COL6A6: variants seen among roughly 807,000 people sequenced by gnomAD.
COL6A6 encodes collagen alpha-6(VI) chain.
A neutral mutation model predicts 208.6 loss-of-function variants in COL6A6; 183 were observed. The observed-to-expected ratio is 0.88, with a 90% CI of 0.78 to 0.99. The LOEUF (loss-of-function observed/expected upper bound fraction) is 0.99. Ranked by LOEUF, COL6A6 falls within the 50% of genes least tolerant of loss-of-function variation. The pLI, the probability that COL6A6 is intolerant of heterozygous loss-of-function variation, is 0.00. For missense variants in COL6A6, 2,816 were observed against 2,815.2 expected (o/e 1.00, Z -0.01); for synonymous variants, 973 against 1,011.8 (o/e 0.96, Z 0.73).
intron 26 of COL6A6, among the ~76,000 whole-genome samples, chr3:130,627,673 A>G (rs965149401): frequency 6.6e-6 from 1 of 152,182 alleles, no homozygotes; most frequent in Non-Finnish European, 1.5e-5. Context: ...TCCAGGCTCA[A>G]GTTTACTCAG....
In COL6A6 at chr3:130,534,718, A is replaced by C. The variant is rs190298289; in HGVS notation, c.-32+17321A>C. The stretch of plus-strand genomic sequence containing the variant: ...GAATGTTTTAGCTACACTTGATTTT[A>C]AACCACCCTGGGTTATTTTTTTTCA... On this transcript the variant is annotated intron_variant, in intron 1 of 36. Transcript: ENST00000358511. 3.0e-4 allele frequency among the ~76,000 whole-genome samples: 45 copies of C among 152,214 alleles called. No individual in the cohort carries two copies. The East Asian group carries it at 7.5e-3, about 25-fold the overall frequency.
At position 130,570,716 on chromosome 3, in the gene COL6A6, C is replaced by A. The variant is rs1304984208; in HGVS notation, c.2402-102C>A. The A allele has an allele frequency of 8.6e-6, 7 of 812,490 alleles. No homozygotes were observed. In the East Asian group the frequency reaches 1.5e-4, roughly 17 times the overall value. 50.3% of individuals were successfully genotyped at this position (812,490 alleles called of 1,614,324 possible). On this transcript the variant is annotated intron_variant, in intron 6 of 36. Transcript: ENST00000358511. ...CCGACATTCTAATGCACAGCATGATCCCCTTGGAGAGAAAACACTAGCAAT... is the reference window on the plus strand; with the variant it reads ...CCGACATTCTAATGCACAGCATGATACCCTTGGAGAGAAAACACTAGCAAT...
Position 130,626,465 on chromosome 3 carries a change from A to G in COL6A6, c.4879-20A>G, listed in dbSNP as rs771385273. 45 of 1,596,214 alleles carry G rather than the reference A, an allele frequency of 2.8e-5. No individual in the cohort carries two copies. Among genetic ancestry groups the G allele is most frequent in the Non-Finnish European group, 3.8e-5 (44 of 1,163,704 alleles). ...ATCATTTCCAATTTCCAACCTAAAA[A>G]CAATCTTTCTGTTTAACAGGGAGAA... On this transcript the variant is annotated intron_variant, in intron 24 of 36. Coordinates refer to ENST00000358511, the MANE Select transcript of COL6A6 (RefSeq NM_001102608.3).
intron 1 of COL6A6, among the ~76,000 whole-genome samples, chr3:130,542,235 C>A (rs1186346299): frequency 6.7e-6 from 1 of 149,938 alleles, no homozygotes; most frequent in Non-Finnish European, 1.5e-5. Flanking sequence ...ATAAGCTGTG[C>A]TTCTATTTTC....
rs187215792 is a variant in COL6A6, at chr3:130,670,904, G to A, written c.6597-4298G>A. ...TTCAAGCTCATCAGCTATCGTTAGC[G>A]TTGGTATATTTTATGTGTGGCCCAA... On this transcript the variant is annotated intron_variant, in intron 36 of 36. Coordinates refer to ENST00000358511, the MANE Select transcript of COL6A6 (RefSeq NM_001102608.3). Among the ~76,000 whole-genome samples, 11 of 152,322 alleles carry A rather than the reference G, an allele frequency of 7.2e-5. 1 individual carries two copies. Among genetic ancestry groups the A allele is most frequent in the Middle Eastern group, 6.8e-3 (2 of 292 alleles).
At position 130,649,468 on chromosome 3, in the gene COL6A6, C is replaced by A; in HGVS notation, c.5639C>A (p.Ser1880Tyr). ...FSSGQSADAHSITTAAMEFGA... is the reference protein window; with the variant it reads ...FSSGQSADAHYITTAAMEFGA... ...AGCGGTCAGTCCGCGGATGCCCACT[C>A]CATCACCACGGCTGCCATGGAGTTC... Residue 1880 changes from serine to tyrosine, a missense_variant, in exon 33 of 37, where the codon TCC becomes TAC. Ser to Tyr is a moderately radical substitution (Grantham distance 144). Coordinates refer to ENST00000358511, the MANE Select transcript of COL6A6 (RefSeq NM_001102608.3). 2 of 1,611,572 alleles carry A rather than the reference C, an allele frequency of 1.2e-6. No individual in the cohort carries two copies. The highest frequency in any genetic ancestry group is 1.7e-6 in the Non-Finnish European group (2 of 1,178,900).
chr3:130,599,939 A>T, intron 20 of COL6A6, 129 bp downstream of exon 20: 1 of 815,874 alleles, frequency 1.2e-6, no homozygotes, highest in Non-Finnish European at 2.0e-6. Context: ...CTAACTTATG[A>T]CATCTCGCAG....
chr3:130,545,678 A>G (rs1028281152), intron 1 of COL6A6, among the ~76,000 whole-genome samples: 1 of 152,166 alleles, frequency 6.6e-6, no homozygotes, highest in Non-Finnish European at 1.5e-5. Context: ...GCTAGTCTCA[A>G]ACTCCTGACC....
Position 130,565,316 on chromosome 3 carries a change from G to A in COL6A6, c.984G>A (p.Lys328=), listed in dbSNP as rs778491974. The change falls in exon 4 of 37, where the codon AAG becomes AAA. Residue 328 remains lysine (K), a synonymous_variant. Transcript: ENST00000358511. ...EVFSARNGSR[K]NQGVPQIAVL... ...TTAGTGCACGGAATGGCAGTCGGAAGAATCAGGGGGTGCCCCAGATTGCCG... is the reference window on the plus strand; with the variant it reads ...TTAGTGCACGGAATGGCAGTCGGAAAAATCAGGGGGTGCCCCAGATTGCCG... 55 of 1,613,882 alleles carry A rather than the reference G, an allele frequency of 3.4e-5. No homozygotes were observed. The highest frequency in any genetic ancestry group is 8.3e-5 in the Admixed American group (5 of 60,000).
chr3:130,649,229 C>T lies in COL6A6; in HGVS notation c.5400C>T (p.Ile1800=), dbSNP rs370172197. The T allele has an allele frequency of 1.9e-6, 3 of 1,591,246 alleles. No homozygotes were observed. Among genetic ancestry groups the T allele is most frequent in the East Asian group, 2.3e-5 (1 of 43,826 alleles). The part of the protein sequence containing the change: ...RENSCPVGAH[I]AILSYNSHAR... Reference sequence around the variant, plus strand: ...ACAGCTGCCCCGTGGGAGCGCACATCGCCATCCTCTCCTATAACTCCCACG... The same window carrying T: ...ACAGCTGCCCCGTGGGAGCGCACATTGCCATCCTCTCCTATAACTCCCACG... The change falls in exon 33 of 37, where the codon ATC becomes ATT. Residue 1800 remains isoleucine, a synonymous_variant. Coordinates refer to ENST00000358511, the MANE Select transcript of COL6A6 (RefSeq NM_001102608.3).
At chr3:130,523,183 T>G (rs1303413015) in intron 1 of COL6A6, among the ~76,000 whole-genome samples, 1 of 152,090 alleles carries the variant, frequency 6.6e-6, no homozygotes, top group Non-Finnish European at 1.5e-5. Context: ...GAATCTCTTC[T>G]ACCTAAAACC....
At chr3:130,616,351 G>C (rs1404893916) in intron 23 of COL6A6, among the ~76,000 whole-genome samples, 1 of 152,082 alleles carries the variant, frequency 6.6e-6, no homozygotes, top group Non-Finnish European at 1.5e-5. Flanking sequence ...ACAATGTTCT[G>C]AAGGCTTATT....
intron 7 of COL6A6, 136 bp downstream of exon 7, chr3:130,571,529 A>T: frequency 1.6e-6 from 1 of 616,720 alleles, no homozygotes; most frequent in Non-Finnish European, 2.7e-6. Context: ...GACTTTCTAT[A>T]TTATAAAATC....
rs2107896826 is a variant in COL6A6, at chr3:130,566,712, C to A, written c.1293C>A (p.Asp431Glu). ...TTGATTCCTTTTTAGGTTGTGTGGA[C>A]ACTGAGGAAGCAGACATCTATCTGC... ...RTETLKSGCVDTEEADIYLLI... is the reference protein window; with the variant it reads ...RTETLKSGCVETEEADIYLLI... The change falls in exon 5 of 37, where the codon GAC becomes GAA. Residue 431 changes from aspartate (D) to glutamate (E), a missense_variant. Physicochemically the swap from Asp to Glu is conservative, Grantham distance 45. Transcript: ENST00000358511. 6.2e-7 allele frequency: 1 copy of A among 1,604,818 alleles called. No homozygotes were observed. Among genetic ancestry groups the A allele is most frequent in the East Asian group, 2.2e-5 (1 of 44,716 alleles).
At chr3:130,659,246 TC>T (rs1474344294) in intron 34 of COL6A6, among the ~76,000 whole-genome samples, 2 of 152,310 alleles carry the variant, frequency 1.3e-5, no homozygotes, top group Middle Eastern at 3.4e-3. Context: ...CTTCATAGAC[TC>T]CCAAATATTA....
At chr3:130,616,189 A>C (rs1273921125) in intron 23 of COL6A6, among the ~76,000 whole-genome samples, 1 of 152,088 alleles carries the variant, frequency 6.6e-6, no homozygotes, top group African/African-American at 2.4e-5. Flanking sequence ...ATTATTCTTC[A>C]CCGGTTCTAT....
intron 1 of COL6A6, among the ~76,000 whole-genome samples, chr3:130,559,387 A>G (rs530221570): frequency 6.6e-6 from 1 of 152,314 alleles, no homozygotes; most frequent in African/African-American, 2.4e-5. Context: ...AAGTTGCAGA[A>G]TGTCAGAAGG....
chr3:130,666,202 T>C (rs1193112396), intron 36 of COL6A6, among the ~76,000 whole-genome samples: 1 of 152,204 alleles, frequency 6.6e-6, no homozygotes, highest in Non-Finnish European at 1.5e-5. Context: ...TGAATCTTAA[T>C]TCGATCCAAG....
At position 130,666,919 on chromosome 3, in the gene COL6A6, A is replaced by C. The variant is rs529649508; in HGVS notation, c.6596+1823A>C. Among the ~76,000 whole-genome samples the C allele has an allele frequency of 1.5e-3, 229 of 152,340 alleles. 4 individuals carry two copies. The highest frequency in any genetic ancestry group is 4.9e-4 in the Non-Finnish European group (33 of 68,018). Reference sequence around the variant, plus strand: ...TAGTATGGGGAAATGCAGGACACCAAGACAAAAGCAGCCAAAAAGAAAGGG... The same window carrying C: ...TAGTATGGGGAAATGCAGGACACCACGACAAAAGCAGCCAAAAAGAAAGGG... On this transcript the variant is annotated intron_variant, in intron 36 of 36. Transcript: ENST00000358511.
Sources: gnomAD v4.1 joint callset for allele counts (sites outside exome capture counted in the v4.1 genomes callset) on GRCh38, gnomAD v4.1.1 for gene constraint, MANE v1.5 for transcripts, NCBI Gene and HGNC (gene_info 2026-07-23, HGNC 2026-07-21) for gene names.